DNAH9: variants seen among roughly 807,000 people sequenced by gnomAD.
DNAH9 encodes the protein DNAH9 variant protein.
A neutral mutation model predicts 471.6 loss-of-function variants in DNAH9; 345 were observed. The observed-to-expected ratio is 0.73, with a 90% CI of 0.67 to 0.80. DNAH9 has a LOEUF of 0.80. Among genes scored for constraint, DNAH9 ranks in the 30% least tolerant of loss-of-function variants. The pLI is 0.00. For missense variants in DNAH9, 5,407 were observed against 5,609.2 expected, an observed-to-expected ratio of 0.96 and a Z score of 1.15; for synonymous variants, 2,093 against 2,123.6, an observed-to-expected ratio of 0.99 and a Z score of 0.40.
chr17:11,932,130 C>T lies in DNAH9; in HGVS notation c.12222C>T (p.Arg4074=). 1 of 1,614,138 alleles carries T rather than the reference C, an allele frequency of 6.2e-7. No individual in the cohort carries two copies. Among genetic ancestry groups the T allele is most frequent in the Non-Finnish European group, 8.5e-7 (1 of 1,180,036 alleles). The stretch of plus-strand genomic sequence containing the variant: ...AATTTGGGCCCCAGGGATGGAATCG[C>T]TCATACCCCTTTAACACTGGAGACC... The part of the protein sequence containing the change: ...RRKFGPQGWN[R]SYPFNTGDLT... Residue 4074 remains arginine, a synonymous_variant, in exon 64 of 69, where the codon CGC becomes CGT. Transcript: ENST00000262442. This position sits in a 1 kb window ranked among gnomAD's most constrained non-coding sequence, Gnocchi z 4.3.
chr17:11,871,717 C>T lies in DNAH9; in HGVS notation c.10173C>T (p.Gly3391=), dbSNP rs1312429995. 6.2e-7 allele frequency: 1 copy of T among 1,614,096 alleles called. No individual in the cohort carries two copies. Among genetic ancestry groups the T allele is most frequent in the East Asian group, 2.2e-5 (1 of 44,902 alleles). The change falls in exon 52 of 69, where the codon GGC becomes GGT. Residue 3391 remains glycine, a synonymous_variant. Transcript: ENST00000262442. ...LLITAFISYL[G]FFTKKYRQSL... The stretch of plus-strand genomic sequence containing the variant: ...TAACGGCTTTCATTTCCTACCTTGG[C>T]TTCTTCACAAAGAAATACCGGCAGA...
rs1292563537 is a variant in DNAH9 at position 11,704,361 on chromosome 17, G to T, written c.5310G>T (p.Lys1770Asn). 6.2e-7 allele frequency: 1 copy of T among 1,614,152 alleles called. No homozygotes were observed. The highest frequency in any genetic ancestry group is 2.2e-5 in the East Asian group (1 of 44,862). ...LITMLIGQLSKGDRQKIMTIC... is the reference protein window; with the variant it reads ...LITMLIGQLSNGDRQKIMTIC... Reference sequence around the variant, plus strand: ...CCATGCTGATTGGCCAGCTCTCCAAGGGAGACCGGCAGAAGATTATGACTA... The same window carrying T: ...CCATGCTGATTGGCCAGCTCTCCAATGGAGACCGGCAGAAGATTATGACTA... The change falls in exon 25 of 69, where the codon AAG (lysine) becomes AAT (asparagine). Residue 1770 changes from lysine to asparagine, a missense_variant. By Grantham distance (94) the Lys-to-Asn change is moderately conservative (BLOSUM62 0). Around this residue, in one of 3 missense-constraint regions of DNAH9, gnomAD observed 4,636 missense variants for 4,900.3 expected, o/e 0.95. Coordinates refer to ENST00000262442, the MANE Select transcript of DNAH9 (RefSeq NM_001372.4).
chr17:11,605,767 T>G (rs964579009), intron 1 of DNAH9, among the ~76,000 whole-genome samples: 2 of 151,714 alleles, frequency 1.3e-5, no homozygotes, highest in South Asian at 2.1e-4. Context: ...AGCCTCTCAG[T>G]GCTGGGATAC....
At chr17:11,958,564 C>CTCT (rs1975798953) in intron 67 of DNAH9, among the ~76,000 whole-genome samples, 2 of 151,854 alleles carry the variant, frequency 1.3e-5, no homozygotes, top group Admixed American at 1.3e-4. Context: ...CGGTAAACTA[C>CTCT]GGACTCTGAG....
chr17:11,762,648 T>C (rs754879194), intron 35 of DNAH9, among the ~76,000 whole-genome samples: 12 of 151,510 alleles, frequency 7.9e-5, no homozygotes, highest in Admixed American at 2.6e-4. Context: ...CCAGATAAGA[T>C]CCTGGCCCCA....
intron 2 of DNAH9, 74 bp downstream of exon 2, chr17:11,608,399 A>G: frequency 8.2e-7 from 1 of 1,212,772 alleles, no homozygotes; most frequent in Non-Finnish European, 1.2e-6. Context: ...TTTTCCTTAC[A>G]ACTTTTCTGT....
At position 11,893,531 on chromosome 17, in the gene DNAH9, A is replaced by C. The variant is rs559577104; in HGVS notation, c.11284-843A>C. Among the ~76,000 whole-genome samples, 9 of 152,358 alleles carry C rather than the reference A, an allele frequency of 5.9e-5. No individual in the cohort carries two copies. The South Asian group carries it at 1.9e-3, about 32-fold the overall frequency. On this transcript the variant is annotated intron_variant, in intron 58 of 68. Transcript: ENST00000262442. ...ACATATTCACCATGGAATACTATGC[A>C]GCCATAAAAAAGAACAAGTTCATGT...
rs1404986645 is a variant in DNAH9, at chr17:11,606,443, C to CTTTTTTTTTTTTTTTTT, written c.418-1682_418-1681insTTTTTTTTTTTTTTTTT. ...CTGACAACTTTCTTTCTTTTCTTTT[C>CTTTTTTTTTTTTTTTTT]TTTTCTTTTCTTTTTTTTTTTTTTG... On this transcript the variant is annotated intron_variant, in intron 1 of 68. Coordinates refer to ENST00000262442, the MANE Select transcript of DNAH9 (RefSeq NM_001372.4). Among the ~76,000 whole-genome samples the CTTTTTTTTTTTTTTTTT allele has an allele frequency of 5.2e-4, 36 of 69,136 alleles. 6 individuals carry two copies. The highest frequency in any genetic ancestry group is 1.5e-3 in the South Asian group (2 of 1,352). 45.4% of individuals were successfully genotyped at this position (69,136 alleles called of 152,430 possible). A position where few individuals can be genotyped will look rare whatever the true frequency, so the allele number is the denominator to read the frequency against.
chr17:11,804,998 G>A (rs538619930), intron 43 of DNAH9, among the ~76,000 whole-genome samples: 18 of 151,848 alleles, frequency 1.2e-4, no homozygotes, highest in African/African-American at 4.3e-4. Flanking sequence ...AGGTTACAGT[G>A]AGCTGAGATC....
chr17:11,727,907 A>C lies in DNAH9; in HGVS notation c.5799A>C (p.Ser1933=). 1.9e-6 allele frequency: 3 copies of C among 1,613,160 alleles called. No homozygotes were observed. The highest frequency in any genetic ancestry group is 2.5e-6 in the Non-Finnish European group (3 of 1,179,122). Residue 1933 remains serine, a synonymous_variant, in exon 28 of 69, where the codon TCA becomes TCC. Coordinates refer to ENST00000262442, the MANE Select transcript of DNAH9 (RefSeq NM_001372.4). ...EFNRISVEVL[S]VVAVQVKSIQ... ...ATCGAATCTCCGTGGAGGTCTTGTC[A>C]GTGGTGGCAGTGCAGGTAAGGGCCA... is the stretch of plus-strand genomic sequence containing the variant.
At chr17:11,783,300 A>G (rs962938635) in intron 39 of DNAH9, among the ~76,000 whole-genome samples, 1 of 152,190 alleles carries the variant, frequency 6.6e-6, no homozygotes, top group East Asian at 1.9e-4. Flanking sequence ...CCCCTGCTGA[A>G]GTCACTACCT....
intron 53 of DNAH9, among the ~76,000 whole-genome samples, chr17:11,879,194 G>A (rs951763794): frequency 1.3e-5 from 2 of 151,942 alleles, no homozygotes; most frequent in Non-Finnish European, 2.9e-5. Context: ...ATGAGAGGGC[G>A]GGGTAGGAGT....
intron 20 of DNAH9, 112 bp from the exon 21 acceptor site, chr17:11,693,756 C>G: frequency 9.0e-7 from 1 of 1,115,044 alleles, no homozygotes; most frequent in Non-Finnish European, 1.4e-6. Context: ...TGAGTCTATT[C>G]TCTGTATTTG....
intron 33 of DNAH9, among the ~76,000 whole-genome samples, chr17:11,754,368 G>T (rs1967288772): frequency 6.6e-6 from 1 of 152,146 alleles, no homozygotes; most frequent in Non-Finnish European, 1.5e-5. Context: ...GGGTCAAACA[G>T]TATTTCTGTT....
Position 11,623,459 on chromosome 17 carries a change from A to C in DNAH9, c.1350+3678A>C. Among the ~76,000 whole-genome samples, 1 of 150,480 alleles carries C rather than the reference A, an allele frequency of 6.6e-6. No homozygotes were observed. The highest frequency in any genetic ancestry group is 2.5e-5 in the African/African-American group (1 of 40,794). ...GCTACTCCTTGCCCCTTTTCCTCAT[A>C]TTTCCTCCCCTCTTTTATTTTTAAT... On this transcript the variant is annotated intron_variant, in intron 6 of 68. Coordinates refer to ENST00000262442, the MANE Select transcript of DNAH9 (RefSeq NM_001372.4). The surrounding 1 kb of genome is among the most constrained non-coding windows in gnomAD (Gnocchi z 4.1).
chr17:11,684,701 C>T (rs182878353), intron 19 of DNAH9, among the ~76,000 whole-genome samples: 88 of 152,258 alleles, frequency 5.8e-4, no homozygotes, highest in East Asian at 2.7e-3. Context: ...TTTCAGCAGG[C>T]GACCAGATTC....
intron 66 of DNAH9, among the ~76,000 whole-genome samples, chr17:11,939,913 AGATGGGTG>A (rs1954224006): frequency 6.6e-6 from 1 of 151,912 alleles, no homozygotes; most frequent in Admixed American, 6.6e-5. Context: ...GGTGATGGGT[AGATGGGTG>A]ATGGATGGAT....
chr17:11,946,536 C>T (rs1408979840), intron 67 of DNAH9, among the ~76,000 whole-genome samples: 2 of 150,908 alleles, frequency 1.3e-5, no homozygotes, highest in African/African-American at 4.9e-5. Flanking sequence ...TGGTGGCAGG[C>T]ACCTGTAGTC....
chr17:11,734,407 T>C (rs182296404), intron 28 of DNAH9, among the ~76,000 whole-genome samples: 57 of 152,280 alleles, frequency 3.7e-4, no homozygotes, highest in African/African-American at 1.3e-3. Flanking sequence ...GACCAGTGTA[T>C]CGGTACTTTC....
Sources: allele counts gnomAD v4.1 joint callset (sites outside exome capture counted in the v4.1 genomes callset), GRCh38; gene constraint gnomAD v4.1.1; regional missense constraint gnomAD v4.1.1; non-coding constraint Gnocchi (gnomAD v3.1); transcripts MANE v1.5; gene names NCBI Gene and HGNC (gene_info 2026-07-23, HGNC 2026-07-21).